The following GRM7 variants were observed in gnomAD, a reference collection of about 807,000 sequenced individuals.
The protein encoded by GRM7 is metabotropic glutamate receptor 7.
Under a neutral mutation model 84.5 loss-of-function variants are expected in GRM7, and 35 were observed. That is an observed-to-expected ratio of 0.41 (90% confidence interval 0.32 to 0.55). The LOEUF (loss-of-function observed/expected upper bound fraction) is 0.55. Ranked by LOEUF, GRM7 falls within the 20% of genes least tolerant of loss-of-function variation. GRM7 has a pLI of 0.19. For missense variants in GRM7, 1,003 were observed against 1,194.6 expected (o/e 0.84, Z 2.36); for synonymous variants, 487 against 455.1 (o/e 1.07, Z -0.89).
intron 1 of GRM7, among the ~76,000 whole-genome samples, chr3:7,040,200 C>T (rs1052240459): frequency 6.6e-6 from 1 of 152,202 alleles, no homozygotes; most frequent in East Asian, 1.9e-4. Context: ...TCCAGCGTCT[C>T]TACAACATAG....
intron 1 of GRM7, among the ~76,000 whole-genome samples, chr3:7,049,982 TAGAC>T (rs1270609281): frequency 2.0e-5 from 3 of 151,854 alleles, no homozygotes; most frequent in Non-Finnish European, 4.4e-5. Context: ...CCAGGAGCAA[TAGAC>T]AGTCATTGTA....
At chr3:7,677,818 A>G (rs1700195977) in intron 8 of GRM7, among the ~76,000 whole-genome samples, 1 of 152,252 alleles carries the variant, frequency 6.6e-6, no homozygotes, top group Non-Finnish European at 1.5e-5. Flanking sequence ...ATGTACTCAC[A>G]GCACTTTTCA....
intron 9 of GRM7, among the ~76,000 whole-genome samples, chr3:7,709,045 C>T (rs79622024): frequency 6.6e-6 from 1 of 151,868 alleles, no homozygotes; most frequent in African/African-American, 2.4e-5. Context: ...TTCCTTCCAC[C>T]ACCTCTGTAG....
chr3:7,098,181 T>A (rs1056781386), intron 1 of GRM7, among the ~76,000 whole-genome samples: 4 of 152,088 alleles, frequency 2.6e-5, no homozygotes, highest in Non-Finnish European at 4.4e-5. Context: ...TTGTGTGTTA[T>A]GAATGTTGAA....
intron 8 of GRM7, among the ~76,000 whole-genome samples, chr3:7,633,681 A>G (rs576172584): frequency 6.6e-6 from 1 of 152,300 alleles, no homozygotes; most frequent in African/African-American, 2.4e-5. Flanking sequence ...TGCTATGAAC[A>G]ATAGCCTCTT....
At chr3:7,256,075 TG>T (rs1375009855) in intron 2 of GRM7, among the ~76,000 whole-genome samples, 3 of 152,160 alleles carry the variant, frequency 2.0e-5, no homozygotes, top group African/African-American at 7.2e-5. Context: ...CTGGCCTTTT[TG>T]TCCACATACC....
chr3:7,270,330 CTG>C (rs1698807994), intron 2 of GRM7, among the ~76,000 whole-genome samples: 1 of 152,158 alleles, frequency 6.6e-6, no homozygotes, highest in Non-Finnish European at 1.5e-5. Flanking sequence ...TCTAGCTAGA[CTG>C]TAACTTCATT....
rs1695121841 is a variant in GRM7 at position 7,579,243 on chromosome 3, T to C, written c.2337T>C (p.Gly779=). ...CTGTGTATGCCATCAAGACTCGGGG[T>C]GTACCCGAGAATTTTAACGAAGCCA... is the stretch of plus-strand genomic sequence containing the variant. ...TCTVYAIKTR[G]VPENFNEAKP... is the part of the protein sequence containing the mutation. The change falls in exon 8 of 10, where the codon GGT becomes GGC. Residue 779 remains glycine, a synonymous_variant. Coordinates refer to ENST00000357716, the MANE Select transcript of GRM7 (RefSeq NM_000844.4). 2.5e-6 allele frequency: 4 copies of C among 1,612,232 alleles called. No individual in the cohort carries two copies. In the East Asian group the frequency reaches 8.9e-5, roughly 36 times the overall value.
chr3:7,669,866 G>C (rs774796543), intron 8 of GRM7, among the ~76,000 whole-genome samples: 2 of 151,862 alleles, frequency 1.3e-5, no homozygotes, highest in Admixed American at 1.3e-4. Flanking sequence ...AGCTCTCACT[G>C]TTCCATTTAG....
At chr3:7,390,063 C>G (rs1361569854) in intron 4 of GRM7, among the ~76,000 whole-genome samples, 2 of 151,856 alleles carry the variant, frequency 1.3e-5, no homozygotes, top group African/African-American at 4.8e-5. Flanking sequence ...TGATTAATTC[C>G]CCTAGTGATT....
chr3:7,182,857 G>T (rs1412979459), intron 2 of GRM7, among the ~76,000 whole-genome samples: 1 of 144,640 alleles, frequency 6.9e-6, no homozygotes, highest in Admixed American at 6.9e-5. Flanking sequence ...AGATTTTCTT[G>T]TGACCTTGTG....
intron 3 of GRM7, among the ~76,000 whole-genome samples, chr3:7,300,263 G>A (rs1699952066): frequency 1.3e-5 from 2 of 152,164 alleles, no homozygotes; most frequent in Admixed American, 1.3e-4. Flanking sequence ...ATTTTTCAAT[G>A]TCTTTACCAC....
chr3:7,353,320 G>A (rs1269180693), intron 4 of GRM7, among the ~76,000 whole-genome samples: 11 of 152,108 alleles, frequency 7.2e-5, no homozygotes, highest in African/African-American at 2.7e-4. Context: ...GGGAATGGTA[G>A]GAATGAATAT....
At chr3:7,282,033 A>G (rs1362055592) in intron 2 of GRM7, among the ~76,000 whole-genome samples, 1 of 152,174 alleles carries the variant, frequency 6.6e-6, no homozygotes, top group Non-Finnish European at 1.5e-5. Context: ...CAGTGAGCAG[A>G]GATTGCGCCA....
rs9875368 is a variant in GRM7 at position 6,949,665 on chromosome 3, C to T, written c.519+87758C>T. ...CTGCAGAGTGTTTTCCAACTTGGTT[C>T]CATTCTCCCTGTCACTTTCAGGTAC... is the stretch of plus-strand genomic sequence containing the variant. On this transcript the variant is annotated intron_variant, in intron 1 of 9. Coordinates refer to ENST00000357716, the MANE Select transcript of GRM7 (RefSeq NM_000844.4). Among the ~76,000 whole-genome samples the T allele has an allele frequency of 2.2e-4, 34 of 151,952 alleles. No homozygotes were observed. In the South Asian group the frequency reaches 5.4e-3, roughly 24 times the overall value.
At chr3:7,653,960 C>T (rs760828875) in intron 8 of GRM7, among the ~76,000 whole-genome samples, 5 of 152,260 alleles carry the variant, frequency 3.3e-5, no homozygotes, top group Non-Finnish European at 4.4e-5. Context: ...CCCTGCTACT[C>T]CCTTGCCCCC....
At chr3:6,937,088 G>T (rs966496036) in intron 1 of GRM7, among the ~76,000 whole-genome samples, 1 of 152,152 alleles carries the variant, frequency 6.6e-6, no homozygotes, top group Admixed American at 6.5e-5. Flanking sequence ...AGAAAGTCAC[G>T]GTATTTATTC....
intron 1 of GRM7, among the ~76,000 whole-genome samples, chr3:6,919,386 TAA>T (rs1347940306): frequency 0.069 from 9,963 of 144,924 alleles, 493 homozygotes; most frequent in Non-Finnish European, 0.11. Flanking sequence ...TTTTTTTTTT[TAA>T]TAGAGATGGG....
At chr3:7,590,810 C>T (rs1023595944) in intron 8 of GRM7, among the ~76,000 whole-genome samples, 1 of 152,140 alleles carries the variant, frequency 6.6e-6, no homozygotes, top group African/African-American at 2.4e-5. Flanking sequence ...GAGCTCCACC[C>T]CAGTCATGTT....
Sources: allele counts gnomAD v4.1 joint callset (sites outside exome capture counted in the v4.1 genomes callset), GRCh38; gene constraint gnomAD v4.1.1; transcripts MANE v1.5; gene names NCBI Gene and HGNC (gene_info 2026-07-23, HGNC 2026-07-21).